Variants in DNAH17 observed in about 807,000 individuals in gnomAD.
DNAH17 encodes dynein axonemal heavy chain 17.
A neutral mutation model predicts 485.6 loss-of-function variants in DNAH17; 376 were observed. The observed-to-expected ratio is 0.77, with a 90% confidence interval of 0.71 to 0.84. The LOEUF is 0.84. Among genes scored for constraint, DNAH17 ranks in the 40% least tolerant of loss-of-function variants. The pLI is 0.00. For synonymous variants in DNAH17, 3,031 were observed against 2,405.9 expected, an observed-to-expected ratio of 1.26 and a Z score of -7.60; for missense variants, 6,370 against 5,839.3, an observed-to-expected ratio of 1.09 and a Z score of -2.96.
At chr17:78,441,947 G>C (rs905109809) in intron 71 of DNAH17, among the ~76,000 whole-genome samples, 45 of 152,278 alleles carry the variant, frequency 3.0e-4, no homozygotes, top group Admixed American at 1.6e-3. Flanking sequence ...GCCAGGTGTG[G>C]TGGCACAGGC....
rs143359019 is a variant in DNAH17 at position 78,530,028 on chromosome 17, G to A, written c.3284+315C>T. ...TGTGCCCATCATGGCCCTGATGGCC[G>A]CCTATAATCCCACAGCTGCCAGTCT... On this transcript the variant is annotated intron_variant, in intron 21 of 80. Coordinates refer to ENST00000389840, the MANE Select transcript of DNAH17 (RefSeq NM_173628.4). 1.9e-3 allele frequency among the ~76,000 whole-genome samples: 290 copies of A among 152,326 alleles called. 1 individual carries two copies. Among genetic ancestry groups the A allele is most frequent in the African/African-American group, 6.6e-3 (274 of 41,574 alleles).
chr17:78,574,418 G>A (rs2092404086), intron 2 of DNAH17, among the ~76,000 whole-genome samples: 1 of 152,034 alleles, frequency 6.6e-6, no homozygotes, highest in South Asian at 2.1e-4. Context: ...CTGGAGGATT[G>A]GTTGAGCTTA....
rs1352008140 is a variant in DNAH17, at chr17:78,492,693, C to T, written c.6481G>A (p.Ala2161Thr). Reference sequence around the variant, plus strand: ...CCAAAGAGCTCGTCGCAGGTGACGGCCTTGGGGTCCAGGTCCACGGCGACC... The same window carrying T: ...CCAAAGAGCTCGTCGCAGGTGACGGTCTTGGGGTCCAGGTCCACGGCGACC... The part of the protein sequence containing the change: ...KPVAVDLDPK[A>T]VTCDELFGII... Residue 2161 changes from alanine to threonine, a missense_variant, in exon 42 of 81, where the codon GCC becomes ACC. Transcript: ENST00000389840. 6.2e-7 allele frequency: 1 copy of T among 1,613,506 alleles called. No individual in the cohort carries two copies. The highest frequency in any genetic ancestry group is 2.2e-5 in the East Asian group (1 of 44,848).
chr17:78,430,590 C>G (rs2086638074), intron 75 of DNAH17, among the ~76,000 whole-genome samples: 1 of 152,066 alleles, frequency 6.6e-6, no homozygotes, highest in South Asian at 2.1e-4. Flanking sequence ...TTTTAGGTTG[C>G]TTATTTTTGA....
intron 16 of DNAH17, among the ~76,000 whole-genome samples, chr17:78,548,524 A>C (rs1298510217): frequency 4.6e-5 from 7 of 152,150 alleles, no homozygotes; most frequent in Admixed American, 4.6e-4. Context: ...TAATTTAAGA[A>C]AAAATGTCTT....
intron 13 of DNAH17, among the ~76,000 whole-genome samples, chr17:78,558,499 A>ACCCCTCATGGGTGGATGACATCAC (rs2092078338): frequency 1.3e-5 from 2 of 151,002 alleles, no homozygotes; most frequent in South Asian, 4.1e-4. Context: ...GGATGACATC[A>ACCCCTCATGGGTGGATGACATCAC]CCCTCATGGG....
chr17:78,458,206 C>T (rs753097117), intron 62 of DNAH17, among the ~76,000 whole-genome samples: 2 of 152,184 alleles, frequency 1.3e-5, no homozygotes, highest in Non-Finnish European at 2.9e-5. Flanking sequence ...ACTCTGGAGC[C>T]CCAAACCATG....
At chr17:78,547,213 C>T (rs868774418) in intron 16 of DNAH17, among the ~76,000 whole-genome samples, 9 of 152,120 alleles carry the variant, frequency 5.9e-5, no homozygotes, top group African/African-American at 9.7e-5. Context: ...ATGTGGTTGA[C>T]CTCTTGGTAT....
Position 78,429,169 on chromosome 17 carries a change from G to A in DNAH17, c.12357C>T (p.Asp4119=), listed in dbSNP as rs1293678710. 23 of 1,613,598 alleles carry A rather than the reference G, an allele frequency of 1.4e-5. No individual in the cohort carries two copies. The highest frequency in any genetic ancestry group is 5.0e-5 in the Admixed American group (3 of 59,994). Reference sequence around the variant, plus strand: ...TCTGAAAGCCGGGGGCCAGCAGGACGTCTCCCTCCAGCATCTCCGTCCGGA... The same window carrying A: ...TCTGAAAGCCGGGGGCCAGCAGGACATCTCCCTCCAGCATCTCCGTCCGGA... ...EYIRTEMLEG[D]VLLAPGFQIP... is the part of the protein sequence containing the mutation. Residue 4119 remains aspartate, a synonymous_variant, in exon 76 of 81, where the codon GAC becomes GAT. Coordinates refer to ENST00000389840, the MANE Select transcript of DNAH17 (RefSeq NM_173628.4).
chr17:78,534,010 A>G (rs2091308210), intron 19 of DNAH17, among the ~76,000 whole-genome samples: 1 of 152,224 alleles, frequency 6.6e-6, no homozygotes. Flanking sequence ...TAAAAAAATA[A>G]AATAAAAAAA....
rs760192078 is a variant in DNAH17, at chr17:78,459,010, G to A, written c.9852C>T (p.Asn3284=). The change falls in exon 61 of 81, where the codon AAC becomes AAT. Residue 3284 remains asparagine, a synonymous_variant. Transcript: ENST00000389840. ...GCGAGCCGGCACTTACGGCAATCTT[G>A]TTTTTGATCCGGGACAGCTTCTCTT... ...EAQEKLSRIK[N]KIAELNANLS... is the part of the protein sequence containing the mutation. The A allele has an allele frequency of 2.5e-6, 4 of 1,613,940 alleles. No homozygotes were observed. Among genetic ancestry groups the A allele is most frequent in the Admixed American group, 1.7e-5 (1 of 60,016 alleles).
intron 2 of DNAH17, 140 bp downstream of exon 2, chr17:78,574,573 G>A (rs1477523565): frequency 8.4e-6 from 6 of 713,944 alleles, no homozygotes; most frequent in Admixed American, 3.0e-5. Context: ...GACGGGGCCC[G>A]AGCGCCTGCA....
chr17:78,560,625 T>C lies in DNAH17; in HGVS notation c.2031+115A>G, dbSNP rs984689441. The C allele has an allele frequency of 5.1e-6, 6 of 1,172,486 alleles. No homozygotes were observed. The African/African-American group carries it at 7.7e-5, about 15-fold the overall frequency. The allele number at this position is 1,172,486 out of a possible 1,614,324, so 72.6% of individuals were successfully genotyped here. On this transcript the variant is annotated intron_variant, in intron 13 of 80. Transcript: ENST00000389840. ...TGGACACACTTAAGAAGTAAAGCTT[T>C]AGGCGAACTGTGATATAAACATCGA...
intron 57 of DNAH17, among the ~76,000 whole-genome samples, chr17:78,462,383 G>A (rs1021812093): frequency 6.6e-6 from 1 of 152,118 alleles, no homozygotes; most frequent in East Asian, 1.9e-4. Context: ...TGTCAATGGT[G>A]GGCAATAAAG....
rs1598746418 is a variant in DNAH17 at position 78,570,271 on chromosome 17, C to G, written c.1020G>C (p.Glu340Asp). Residue 340 changes from glutamate to aspartate, a missense_variant, in exon 7 of 81, where the codon GAG (glutamate) becomes GAC (aspartate). Physicochemically the swap from Glu to Asp is conservative, Grantham distance 45. Coordinates refer to ENST00000389840, the MANE Select transcript of DNAH17 (RefSeq NM_173628.4). ...TPARIIVILQ[E>D]FCNQIIEMTR... The stretch of plus-strand genomic sequence containing the variant: ...CCATCTCGATGATTTGGTTGCAGAA[C>G]TCCTGCAGGATGACGATGATCCTGG... The G allele has an allele frequency of 1.3e-6, 2 of 1,592,342 alleles. No homozygotes were observed. Among genetic ancestry groups the G allele is most frequent in the East Asian group, 4.5e-5 (2 of 44,136 alleles).
In DNAH17 at chr17:78,500,367, G is replaced by C; in HGVS notation, c.5578C>G (p.Leu1860Val). 1 of 1,612,600 alleles carries C rather than the reference G, an allele frequency of 6.2e-7. No individual in the cohort carries two copies. The highest frequency in any genetic ancestry group is 8.5e-7 in the Non-Finnish European group (1 of 1,179,396). Reference sequence around the variant, plus strand: ...ACCATGGTGCCCAGGGCTCTGCCCAGGTCCTTGGTCGTCTCAGTCTTGCCG... The same window carrying C: ...ACCATGGTGCCCAGGGCTCTGCCCACGTCCTTGGTCGTCTCAGTCTTGCCG... ...GTGKTETTKD[L>V]GRALGTMVYV... is the part of the protein sequence containing the mutation. Residue 1860 changes from leucine to valine, a missense_variant, in exon 36 of 81, where the codon CTG becomes GTG. Transcript: ENST00000389840.
rs772884218 is a variant in DNAH17, at chr17:78,451,646, C to A, written c.10557G>T (p.Val3519=). The A allele has an allele frequency of 1.3e-6, 2 of 1,584,576 alleles. No homozygotes were observed. The highest frequency in any genetic ancestry group is 8.6e-7 in the Non-Finnish European group (1 of 1,165,576). Residue 3519 remains valine, a synonymous_variant, in exon 66 of 81, where the codon GTG becomes GTT. Coordinates refer to ENST00000389840, the MANE Select transcript of DNAH17 (RefSeq NM_173628.4). ...TCAGGCGGAACTTGGGGTGGTACTC[C>A]ACCTCCTTGTCACCGATCTTAATGT... ...GKYIKIGDKE[V]EYHPKFRLIL...
intron 62 of DNAH17, among the ~76,000 whole-genome samples, chr17:78,456,348 G>A (rs1386514753): frequency 2.0e-5 from 3 of 152,130 alleles, no homozygotes; most frequent in Non-Finnish European, 4.4e-5. Flanking sequence ...CTCCTTGGCA[G>A]CCCTTAGGAA....
At chr17:78,571,399 C>T in intron 4 of DNAH17, 21 bp from the exon 5 acceptor site, 1 of 1,592,710 alleles carries the variant, frequency 6.3e-7, no homozygotes, top group East Asian at 2.2e-5. Context: ...GAGTGAAGAT[C>T]CACCTTTCAT....
Sources: allele counts gnomAD v4.1 joint callset (sites outside exome capture counted in the v4.1 genomes callset), GRCh38; gene constraint gnomAD v4.1.1; transcripts MANE v1.5; gene names NCBI Gene and HGNC (gene_info 2026-07-23, HGNC 2026-07-21).